The following L3MBTL3 variants were observed in gnomAD, a reference collection of about 807,000 sequenced individuals.
The protein encoded by L3MBTL3 is L3MBTL histone methyl-lysine binding protein 3.
In L3MBTL3, 27 loss-of-function variants were observed where a neutral mutation model predicts 102.3. The observed-to-expected ratio is 0.26, with a 90% confidence interval of 0.19 to 0.36. The LOEUF (loss-of-function observed/expected upper bound fraction) is 0.36, where lower values mean the gene tolerates loss of function less well. Ranked by LOEUF, L3MBTL3 falls within the 10% of genes least tolerant of loss-of-function variation. L3MBTL3 has a pLI of 1.00. For synonymous variants in L3MBTL3, 340 were observed against 320.9 expected (o/e 1.06, Z -0.64); for missense variants, 798 against 955.3 (o/e 0.84, Z 2.17).
chr6:130,082,931 A>G (rs1783456094), intron 14 of L3MBTL3, among the ~76,000 whole-genome samples: 1 of 152,196 alleles, frequency 6.6e-6, no homozygotes, highest in South Asian at 2.1e-4. Flanking sequence ...GGCTAACATT[A>G]TCTCTGATAT....
intron 12 of L3MBTL3, among the ~76,000 whole-genome samples, chr6:130,069,177 G>T (rs1782468390): frequency 6.6e-6 from 1 of 152,192 alleles, no homozygotes; most frequent in Non-Finnish European, 1.5e-5. Context: ...GAGGAGCAGA[G>T]TGGAAACTGT....
At position 130,094,337 on chromosome 6, in the gene L3MBTL3, T is replaced by G; in HGVS notation, c.1706T>G (p.Phe569Cys). The G allele has an allele frequency of 1.2e-6, 2 of 1,613,840 alleles. No individual in the cohort carries two copies. Among genetic ancestry groups the G allele is most frequent in the Non-Finnish European group, 1.7e-6 (2 of 1,179,806 alleles). ...CCGGGATGTAAAGGGATTGGCCATT[T>G]CAAGAGAGCGAGACATCTGGGCCCT... is the stretch of plus-strand genomic sequence containing the variant. ...STPGCKGIGH[F>C]KRARHLGPHS... Residue 569 changes from phenylalanine (F) to cysteine (C), a missense_variant, in exon 18 of 23, where the codon TTC (phenylalanine) becomes TGC (cysteine). Physicochemically the swap from Phe to Cys is radical, Grantham distance 205. Coordinates refer to ENST00000361794, the MANE Select transcript of L3MBTL3 (RefSeq NM_032438.4).
intron 5 of L3MBTL3, among the ~76,000 whole-genome samples, chr6:130,050,721 A>G (rs1464318965): frequency 1.3e-5 from 2 of 152,230 alleles, no homozygotes; most frequent in African/African-American, 4.8e-5. Context: ...GGCTGAATGA[A>G]TGATTAGCCT....
At chr6:130,051,962 G>A (rs138398980) in intron 6 of L3MBTL3, among the ~76,000 whole-genome samples, 107 of 152,260 alleles carry the variant, frequency 7.0e-4, no homozygotes, top group African/African-American at 2.3e-3. Context: ...TTCCCATTTG[G>A]GGACAGTCTG....
At chr6:130,042,903 A>G (rs1038209713) in intron 3 of L3MBTL3, 102 bp downstream of exon 3, 2 of 765,330 alleles carry the variant, frequency 2.6e-6, no homozygotes, top group East Asian at 2.7e-5. Context: ...AGCATTAATC[A>G]TAGTGGTGTA....
At chr6:130,057,527 A>G (rs765869779) in intron 9 of L3MBTL3, 30 bp downstream of exon 9, 6 of 1,539,214 alleles carry the variant, frequency 3.9e-6, no homozygotes, top group Non-Finnish European at 4.4e-6. Flanking sequence ...CGTGATCTGT[A>G]AGGGCGCAGG....
At chr6:130,071,685 G>A (rs1782649213) in intron 13 of L3MBTL3, among the ~76,000 whole-genome samples, 1 of 152,044 alleles carries the variant, frequency 6.6e-6, no homozygotes. Flanking sequence ...AAAGTGTTTA[G>A]TTCCTTCTAG....
intron 2 of L3MBTL3, among the ~76,000 whole-genome samples, chr6:130,025,976 A>G (rs1779315621): frequency 6.6e-6 from 1 of 152,150 alleles, no homozygotes; most frequent in South Asian, 2.1e-4. Context: ...GATGGCAATT[A>G]ACAAAACAAA....
intron 20 of L3MBTL3, 79 bp downstream of exon 20, chr6:130,121,037 A>T: frequency 1.2e-6 from 1 of 852,580 alleles, no homozygotes. Flanking sequence ...GGAATACAAC[A>T]GTCTCTTTTA....
Position 130,086,184 on chromosome 6 carries a change from A to G in L3MBTL3, c.1452A>G (p.Val484=). The change falls in exon 16 of 23, where the codon GTA becomes GTG. Residue 484 remains valine, a synonymous_variant. Coordinates refer to ENST00000361794, the MANE Select transcript of L3MBTL3 (RefSeq NM_032438.4). ...AGAAAAAAATGAAGCTTGAGGTTGT[A>G]GACAAAAGGAACCCTATGTTTATTA... is the stretch of plus-strand genomic sequence containing the variant. The part of the protein sequence containing the change: ...GFQKKMKLEV[V]DKRNPMFIRV... 1 of 1,613,292 alleles carries G rather than the reference A, an allele frequency of 6.2e-7. No homozygotes were observed. The highest frequency in any genetic ancestry group is 8.5e-7 in the Non-Finnish European group (1 of 1,179,706).
chr6:130,094,990 T>G (rs1784279695), intron 18 of L3MBTL3, among the ~76,000 whole-genome samples: 2 of 152,280 alleles, frequency 1.3e-5, no homozygotes, highest in South Asian at 4.1e-4. Context: ...GAGGATCACT[T>G]GAGGCCAGGA....
chr6:130,024,640 T>C (rs766440104), intron 2 of L3MBTL3, among the ~76,000 whole-genome samples: 9 of 152,168 alleles, frequency 5.9e-5, no homozygotes, highest in Non-Finnish European at 1.2e-4. Context: ...ATGTGGTGGG[T>C]GGGATGTACC....
chr6:130,047,920 CACTTGGTATAGT>C (rs1435521191), intron 3 of L3MBTL3, among the ~76,000 whole-genome samples: 1 of 152,146 alleles, frequency 6.6e-6, no homozygotes, highest in Non-Finnish European at 1.5e-5. Flanking sequence ...TTGGTATACA[CACTTGGTATAGT>C]ACTCACATAT....
intron 2 of L3MBTL3, among the ~76,000 whole-genome samples, chr6:130,034,235 A>G (rs1779905702): frequency 6.6e-6 from 1 of 152,310 alleles, no homozygotes; most frequent in South Asian, 2.1e-4. Flanking sequence ...TCTAGTCAAA[A>G]TGAGATACAG....
chr6:130,106,006 T>G (rs1582579623), intron 19 of L3MBTL3, among the ~76,000 whole-genome samples: 2 of 152,208 alleles, frequency 1.3e-5, no homozygotes, highest in East Asian at 3.8e-4. Context: ...TCTGTTCACG[T>G]GTGGTCCTGG....
intron 20 of L3MBTL3, among the ~76,000 whole-genome samples, chr6:130,122,168 G>C (rs903149912): frequency 6.6e-6 from 1 of 151,990 alleles, no homozygotes; most frequent in Non-Finnish European, 1.5e-5. Flanking sequence ...ATTGTCCCTG[G>C]GGACTTTGCT....
chr6:130,031,919 T>C (rs1216663397), intron 2 of L3MBTL3, among the ~76,000 whole-genome samples: 2 of 152,278 alleles, frequency 1.3e-5, no homozygotes, highest in East Asian at 3.9e-4. Context: ...ATATCTACTT[T>C]TCTTTTTTTT....
intron 2 of L3MBTL3, among the ~76,000 whole-genome samples, chr6:130,041,844 G>C (rs145669842): frequency 4.3e-4 from 66 of 152,282 alleles, no homozygotes; most frequent in African/African-American, 1.5e-3. Flanking sequence ...TCTATGGGGA[G>C]AATTGTGAGA....
chr6:130,111,675 T>C (rs1243384290), intron 19 of L3MBTL3, among the ~76,000 whole-genome samples: 3 of 152,228 alleles, frequency 2.0e-5, no homozygotes, highest in African/African-American at 7.2e-5. Flanking sequence ...CTGCTCAGAA[T>C]AGAGCCATGG....
Sources: gnomAD v4.1 joint callset for allele counts (sites outside exome capture counted in the v4.1 genomes callset) on GRCh38, gnomAD v4.1.1 for gene constraint, MANE v1.5 for transcripts, NCBI Gene and HGNC (gene_info 2026-07-23, HGNC 2026-07-21) for gene names.